The following CNTN5 variants were observed in gnomAD, a reference collection of about 807,000 sequenced individuals.
CNTN5 encodes contactin-5.
Under a neutral mutation model 129.1 loss-of-function variants are expected in CNTN5, and 77 were observed. The ratio of observed to expected loss-of-function variants is 0.60; its 90% CI spans 0.50 to 0.72. The LOEUF is 0.72. Ranked by LOEUF, CNTN5 falls within the 30% of genes least tolerant of loss-of-function variation. The pLI is 0.00. For missense variants in CNTN5, 1,478 were observed against 1,328.8 expected, an observed-to-expected ratio of 1.11 and a Z score of -1.75; for synonymous variants, 509 against 465.6, an observed-to-expected ratio of 1.09 and a Z score of -1.20.
chr11:99,627,205 C>G (rs1951163135), intron 3 of CNTN5, among the ~76,000 whole-genome samples: 1 of 152,124 alleles, frequency 6.6e-6, no homozygotes, highest in Non-Finnish European at 1.5e-5. Flanking sequence ...ATGTGAATGA[C>G]TAGATTCTAG....
intron 2 of CNTN5, among the ~76,000 whole-genome samples, chr11:99,358,773 TCA>T (rs1938894334): frequency 6.6e-6 from 1 of 152,146 alleles, no homozygotes; most frequent in African/African-American, 2.4e-5. Flanking sequence ...CTTCAGACAT[TCA>T]GTTTACTAAT....
In CNTN5 at chr11:99,439,399, C is replaced by A. The variant is rs532984569; in HGVS notation, c.-71+113915C>A. ...AAAAATAAACTTGTACACAAATGGG[C>A]TAAATACTTAGCATTTAGAAATACA... On this transcript the variant is annotated intron_variant, in intron 2 of 24. Transcript: ENST00000524871. Among the ~76,000 whole-genome samples, 6 of 151,888 alleles carry A rather than the reference C, an allele frequency of 4.0e-5. 1 individual carries two copies. The East Asian group carries it at 1.2e-3, about 29-fold the overall frequency.
At chr11:99,657,545 G>A (rs1289845777) in intron 3 of CNTN5, among the ~76,000 whole-genome samples, 1 of 152,022 alleles carries the variant, frequency 6.6e-6, no homozygotes, top group Non-Finnish European at 1.5e-5. Flanking sequence ...ACCCAGTAAT[G>A]ACAATTTATT....
At chr11:100,035,324 T>C (rs1210173758) in intron 9 of CNTN5, among the ~76,000 whole-genome samples, 1 of 148,162 alleles carries the variant, frequency 6.7e-6, no homozygotes, top group Middle Eastern at 3.2e-3. Context: ...GGCTGCATAG[T>C]ATTCCATGAT....
intron 2 of CNTN5, among the ~76,000 whole-genome samples, chr11:99,522,402 C>A (rs1332366173): frequency 6.6e-6 from 1 of 151,878 alleles, no homozygotes; most frequent in African/African-American, 2.4e-5. Context: ...AATAACAAGT[C>A]TAGAAAATAA....
chr11:99,252,885 A>T (rs556200074), intron 1 of CNTN5, among the ~76,000 whole-genome samples: 2 of 151,496 alleles, frequency 1.3e-5, no homozygotes, highest in Non-Finnish European at 2.9e-5. Context: ...TCTTTTCTTT[A>T]TGGTTTGTAC....
chr11:99,316,625 A>G lies in CNTN5; in HGVS notation c.-209-8721A>G, dbSNP rs923542667. 8.6e-5 allele frequency among the ~76,000 whole-genome samples: 13 copies of G among 151,970 alleles called. 2 individuals are homozygous for G. Among genetic ancestry groups the G allele is most frequent in the South Asian group, 8.3e-4 (4 of 4,824 alleles). On this transcript the variant is annotated intron_variant, in intron 1 of 24. Transcript: ENST00000524871. ...TGGGGAACAAATTTTAATTCAAGCC[A>G]TTTTCTCCCAGGGCACACATGCTAA...
chr11:99,918,921 C>A (rs1412829068), intron 7 of CNTN5, among the ~76,000 whole-genome samples: 3 of 152,160 alleles, frequency 2.0e-5, no homozygotes, highest in African/African-American at 7.2e-5. Flanking sequence ...GCTTTTCCTG[C>A]TGAAACCGCC....
At chr11:100,190,741 T>A (rs1948458745) in intron 13 of CNTN5, among the ~76,000 whole-genome samples, 1 of 150,414 alleles carries the variant, frequency 6.6e-6, no homozygotes, top group Non-Finnish European at 1.5e-5. Flanking sequence ...TTTTTTTTTT[T>A]ATATATGACT....
At chr11:99,835,144 C>T (rs778853149) in intron 4 of CNTN5, among the ~76,000 whole-genome samples, 7 of 152,156 alleles carry the variant, frequency 4.6e-5, no homozygotes, top group East Asian at 1.9e-4. Context: ...TGCCCTGTGG[C>T]GGGTAAGATC....
At chr11:99,407,046 T>C (rs1487942092) in intron 2 of CNTN5, among the ~76,000 whole-genome samples, 3 of 152,076 alleles carry the variant, frequency 2.0e-5, no homozygotes, top group African/African-American at 7.2e-5. Flanking sequence ...TCTATCCCCC[T>C]GTGGCCAAGC....
chr11:99,384,868 T>A (rs1407395676), intron 2 of CNTN5, among the ~76,000 whole-genome samples: 2 of 152,204 alleles, frequency 1.3e-5, no homozygotes, highest in East Asian at 3.8e-4. Context: ...TCACCTCCCA[T>A]ACTTAATTTT....
At chr11:99,559,006 C>A (rs1948757709) in intron 3 of CNTN5, among the ~76,000 whole-genome samples, 1 of 152,078 alleles carries the variant, frequency 6.6e-6, no homozygotes. Flanking sequence ...CATTTGCCTT[C>A]ATCCTCATTT....
At chr11:99,476,522 A>G (rs1386262648) in intron 2 of CNTN5, among the ~76,000 whole-genome samples, 1 of 152,196 alleles carries the variant, frequency 6.6e-6, no homozygotes, top group Non-Finnish European at 1.5e-5. Flanking sequence ...ATTATAGTGC[A>G]CAAAATATGA....
intron 8 of CNTN5, among the ~76,000 whole-genome samples, chr11:99,968,656 C>CTCTTTTTTTTTTTTTTTTTTTTTTTTTT (rs1951161575): frequency 1.4e-5 from 1 of 73,870 alleles, no homozygotes. Flanking sequence ...GCTTTGGGTA[C>CTCTTTTTTTTTTTTTTTTTTTTTTTTTT]TTTTTTTTTT....
intron 3 of CNTN5, among the ~76,000 whole-genome samples, chr11:99,572,590 T>C (rs1949209678): frequency 6.6e-6 from 1 of 152,188 alleles, no homozygotes; most frequent in African/African-American, 2.4e-5. Context: ...GAAATGATCA[T>C]TATTTAGTAA....
chr11:99,671,422 A>G (rs1040078147), intron 3 of CNTN5, among the ~76,000 whole-genome samples: 5 of 152,286 alleles, frequency 3.3e-5, no homozygotes, highest in South Asian at 2.1e-4. Context: ...GTGTATGAAT[A>G]TACGGTTGGG....
chr11:100,260,892 A>G (rs927356394), intron 17 of CNTN5, among the ~76,000 whole-genome samples: 1 of 152,168 alleles, frequency 6.6e-6, no homozygotes, highest in Non-Finnish European at 1.5e-5. Flanking sequence ...GCACAAGACA[A>G]GGATGCCCTC....
chr11:100,105,149 T>C (rs1422451275), intron 13 of CNTN5, among the ~76,000 whole-genome samples: 1 of 152,200 alleles, frequency 6.6e-6, no homozygotes, highest in Non-Finnish European at 1.5e-5. Flanking sequence ...TCAAAGCGAT[T>C]ACTTGAAGCA....
Sources: gnomAD v4.1 joint callset for allele counts (sites outside exome capture counted in the v4.1 genomes callset) on GRCh38, gnomAD v4.1.1 for gene constraint, MANE v1.5 for transcripts, NCBI Gene and HGNC (gene_info 2026-07-23, HGNC 2026-07-21) for gene names.